Variants in PRKAG2 observed in about 807,000 individuals in gnomAD.
The protein encoded by PRKAG2 is 5'-AMP-activated protein kinase subunit gamma-2.
In PRKAG2, 26 loss-of-function variants were observed where a neutral mutation model predicts 69.6. The observed-to-expected ratio is 0.37, with a 90% confidence interval of 0.27 to 0.52. The LOEUF (loss-of-function observed/expected upper bound fraction) is 0.52, where lower values mean the gene tolerates loss of function less well. Among genes scored for constraint, PRKAG2 ranks in the 20% least tolerant of loss-of-function variants. The pLI, the probability that PRKAG2 is intolerant of heterozygous loss-of-function variation, is 0.90. For synonymous variants in PRKAG2, 293 were observed against 285.0 expected (o/e 1.03, Z -0.28); for missense variants, 557 against 740.0 (o/e 0.75, Z 2.87).
At chr7:151,761,659 C>A (rs1358683275) in intron 3 of PRKAG2, among the ~76,000 whole-genome samples, 1 of 152,202 alleles carries the variant, frequency 6.6e-6, no homozygotes, top group African/African-American at 2.4e-5. Flanking sequence ...AGATAACTGT[C>A]CTGCATGGCA....
At chr7:151,702,431 G>A (rs930889161) in intron 3 of PRKAG2, among the ~76,000 whole-genome samples, 2 of 152,154 alleles carry the variant, frequency 1.3e-5, no homozygotes, top group Non-Finnish European at 2.9e-5. Flanking sequence ...GGATGGGGAT[G>A]CAGGTCCACA....
At chr7:151,750,377 A>G (rs772167934) in intron 3 of PRKAG2, among the ~76,000 whole-genome samples, 1 of 152,212 alleles carries the variant, frequency 6.6e-6, no homozygotes, top group Non-Finnish European at 1.5e-5. Flanking sequence ...TGACTGAGTA[A>G]GCAGAATGGA....
At chr7:151,852,021 G>A (rs1175855371) in intron 1 of PRKAG2, among the ~76,000 whole-genome samples, 1 of 152,160 alleles carries the variant, frequency 6.6e-6, no homozygotes, top group Non-Finnish European at 1.5e-5. Flanking sequence ...TCCCGTGCCT[G>A]CTCCGTCCCA....
In PRKAG2 at chr7:151,571,765, T is replaced by C. The variant is rs189256848; in HGVS notation, c.1051+899A>G. 9.9e-5 allele frequency among the ~76,000 whole-genome samples: 15 copies of C among 152,240 alleles called. No individual in the cohort carries two copies. The East Asian group carries it at 2.9e-3, about 29-fold the overall frequency. On this transcript the variant is annotated intron_variant, in intron 9 of 15. Coordinates refer to ENST00000287878, the MANE Select transcript of PRKAG2 (RefSeq NM_016203.4). ...CCCATCACTCAGTGAAACTTCTAAA[T>C]CGTATGGATTTGAAAGGGCCCCTGG...
chr7:151,810,017 T>A (rs1277482682), intron 1 of PRKAG2: 1 of 152,270 alleles, frequency 6.6e-6, no homozygotes, highest in East Asian at 1.9e-4. Context: ...AGACGCTGCT[T>A]ACTGGCCCCG....
intron 7 of PRKAG2, among the ~76,000 whole-genome samples, chr7:151,575,660 G>C (rs935893435): frequency 4.6e-5 from 7 of 152,166 alleles, no homozygotes; most frequent in African/African-American, 1.2e-4. Flanking sequence ...AAAAAGGTGT[G>C]CACTAGCGAG....
rs75273149 is a variant in PRKAG2 at position 151,560,438 on chromosome 7, A to G, written c.1678+86T>C. On this transcript the variant is annotated intron_variant, in intron 15 of 15. Transcript: ENST00000287878. ...AGCCTTGATCTGTAGGTGGGTGGAG[A>G]AATGATGGTTTAAATGCTGCACTTC... 2.3e-3 allele frequency: 3,730 copies of G among 1,611,988 alleles called. 82 individuals carry two copies. The African/African-American group carries it at 0.045, about 19-fold the overall frequency.
chr7:151,572,654 T>C lies in PRKAG2; in HGVS notation c.1051+10A>G, dbSNP rs773560289. 45 of 1,590,360 alleles carry C rather than the reference T, an allele frequency of 2.8e-5. No individual in the cohort carries two copies. The highest frequency in any genetic ancestry group is 6.7e-5 in the Admixed American group (4 of 59,594). On this transcript the variant is annotated intron_variant, in intron 9 of 15. Transcript: ENST00000287878. ...ATACTAAAAGATTTTAAACATCCAATAGTGCTTACCCCTCCATGTTTCAAT... is the reference window on the plus strand; with the variant it reads ...ATACTAAAAGATTTTAAACATCCAACAGTGCTTACCCCTCCATGTTTCAAT...
chr7:151,670,007 TGCACACACCTGCATGC>T (rs775789801), intron 4 of PRKAG2, among the ~76,000 whole-genome samples: 5 of 79,830 alleles, frequency 6.3e-5, no homozygotes, highest in East Asian at 4.2e-4. Context: ...TACACACCTG[TGCACACACCTGCATGC>T]ACACACACCT....
chr7:151,602,331 GAAGAT>G (rs746092296), intron 5 of PRKAG2, among the ~76,000 whole-genome samples: 6 of 152,146 alleles, frequency 3.9e-5, no homozygotes, highest in Non-Finnish European at 7.3e-5. Context: ...GGAAATCTCA[GAAGAT>G]AATTTTGTTC....
chr7:151,726,115 T>A (rs1797903340), intron 3 of PRKAG2, among the ~76,000 whole-genome samples: 1 of 152,094 alleles, frequency 6.6e-6, no homozygotes, highest in South Asian at 2.1e-4. Flanking sequence ...CTTCATGGTG[T>A]GTCCTTCACA....
intron 1 of PRKAG2, among the ~76,000 whole-genome samples, chr7:151,846,603 A>C (rs1360987507): frequency 6.6e-6 from 1 of 152,234 alleles, no homozygotes; most frequent in African/African-American, 2.4e-5. Flanking sequence ...ACCGTAACTT[A>C]GGACGCTGGC....
chr7:151,874,049 TATGTATATGTATATGTATATG>T (rs1353836062), intron 1 of PRKAG2, among the ~76,000 whole-genome samples: 169 of 131,278 alleles, frequency 1.3e-3, no homozygotes, highest in Non-Finnish European at 2.0e-3. Flanking sequence ...GATGTATATG[TATGTATATGTATATGTATATG>T]ATGTATATGT....
At chr7:151,837,771 C>A (rs1156785900) in intron 1 of PRKAG2, among the ~76,000 whole-genome samples, 1 of 152,186 alleles carries the variant, frequency 6.6e-6, no homozygotes, top group Non-Finnish European at 1.5e-5. Context: ...TCCCTTTACA[C>A]CAGTGCCTTC....
intron 4 of PRKAG2, among the ~76,000 whole-genome samples, chr7:151,659,419 T>A (rs1166238404): frequency 6.6e-6 from 1 of 152,156 alleles, no homozygotes; most frequent in Non-Finnish European, 1.5e-5. Flanking sequence ...ATGCACTGAG[T>A]CTACTGGTTC....
At chr7:151,833,100 A>G (rs1377693736) in intron 1 of PRKAG2, among the ~76,000 whole-genome samples, 1 of 152,244 alleles carries the variant, frequency 6.6e-6, no homozygotes, top group Admixed American at 6.5e-5. Flanking sequence ...GGAGAGGCGC[A>G]TGTCAAAATA....
chr7:151,817,577 C>T (rs1336066545), intron 1 of PRKAG2, among the ~76,000 whole-genome samples: 1 of 152,192 alleles, frequency 6.6e-6, no homozygotes, highest in African/African-American at 2.4e-5. Flanking sequence ...CAGGCACCCT[C>T]CTGACCCTAG....
chr7:151,751,003 A>G (rs2074634097), intron 3 of PRKAG2, among the ~76,000 whole-genome samples: 1 of 152,170 alleles, frequency 6.6e-6, no homozygotes, highest in South Asian at 2.1e-4. Context: ...ATTTCTAATG[A>G]TGACTAAGTA....
At chr7:151,803,353 T>C (rs2077941150) in intron 1 of PRKAG2, among the ~76,000 whole-genome samples, 1 of 152,174 alleles carries the variant, frequency 6.6e-6, no homozygotes, top group Non-Finnish European at 1.5e-5. Context: ...TTTAAGGCGA[T>C]CTTTATCATA....
Sources: allele counts gnomAD v4.1 joint callset (sites outside exome capture counted in the v4.1 genomes callset), GRCh38; gene constraint gnomAD v4.1.1; transcripts MANE v1.5; gene names NCBI Gene and HGNC (gene_info 2026-07-23, HGNC 2026-07-21).